AKT2: variants seen among roughly 807,000 people sequenced by gnomAD.
AKT2 encodes AKT serine/threonine kinase 2, also known as RAC-beta serine/threonine-protein kinase.
In AKT2, 16 loss-of-function variants were observed where a neutral mutation model predicts 58.6. The observed-to-expected ratio is 0.27, with a 90% CI of 0.18 to 0.41. The LOEUF is 0.41. Ranked by LOEUF, AKT2 falls within the 10% of genes least tolerant of loss-of-function variation. The pLI, the probability that AKT2 is intolerant of heterozygous loss-of-function variation, is 1.00. For missense variants in AKT2, 438 were observed against 661.0 expected (o/e 0.66, Z 3.70); for synonymous variants, 253 against 254.0 (o/e 1.00, Z 0.04).
At chr19:40,272,501 G>A (rs1414077407) in intron 1 of AKT2, among the ~76,000 whole-genome samples, 3 of 152,172 alleles carry the variant, frequency 2.0e-5, no homozygotes, top group East Asian at 1.9e-4. Flanking sequence ...CTCGCGGCAC[G>A]ACAGAATGCA....
At chr19:40,263,367 G>A (rs1039745016) in intron 2 of AKT2, among the ~76,000 whole-genome samples, 1 of 152,182 alleles carries the variant, frequency 6.6e-6, no homozygotes, top group Non-Finnish European at 1.5e-5. Flanking sequence ...ACTTTTAGAC[G>A]TGCTGGGGAT....
At position 40,242,647 on chromosome 19, in the gene AKT2, G is replaced by T; in HGVS notation, c.328C>A (p.Leu110Ile). The change falls in exon 5 of 14, where the codon CTC becomes ATC. Residue 110 changes from leucine to isoleucine, a missense_variant. This residue lies in a region of AKT2 where 244 missense variants were observed against 347.1 expected (regional missense o/e 0.70). Transcript: ENST00000392038. The surrounding 1 kb of genome is among the most constrained non-coding windows in gnomAD (Gnocchi z 4.3). ...MRAIQMVANS[L>I]KQRAPGEDPM... ...TCCTCGCCTGGGGCCCGCTGCTTGA[G>T]GCTGTTGGCGACCATCTGGATGGCC... The T allele has an allele frequency of 1.9e-6, 3 of 1,612,992 alleles. No individual in the cohort carries two copies. The highest frequency in any genetic ancestry group is 1.7e-6 in the Non-Finnish European group (2 of 1,180,016).
chr19:40,283,024 C>T (rs2077451839), intron 1 of AKT2: 1 of 157,202 alleles, frequency 6.4e-6, no homozygotes, highest in African/African-American at 2.4e-5. Flanking sequence ...TAGCTCGTAG[C>T]TCTCCATAAA....
chr19:40,238,022 C>T lies in AKT2; in HGVS notation c.778G>A (p.Val260Ile). 1 of 1,612,738 alleles carries T rather than the reference C, an allele frequency of 6.2e-7. No homozygotes were observed. Residue 260 changes from valine to isoleucine, a missense_variant, in exon 9 of 14, where the codon GTC (valine) becomes ATC (isoleucine). Around this residue, in one of 3 missense-constraint regions of AKT2, gnomAD observed 46 missense variants for 114.5 expected, o/e 0.40. Transcript: ENST00000392038. This position sits in a 1 kb window ranked among gnomAD's most constrained non-coding sequence, Gnocchi z 5.1. Reference sequence around the variant, plus strand: ...GAGTGCAAGTACTCAAGAGCCGAGACAATCTCTGCACCATAAAACCGGGCC... The same window carrying T: ...GAGTGCAAGTACTCAAGAGCCGAGATAATCTCTGCACCATAAAACCGGGCC... ...ERARFYGAEI[V>I]SALEYLHSRD... is the part of the protein sequence containing the mutation.
intron 1 of AKT2, among the ~76,000 whole-genome samples, chr19:40,276,754 G>A (rs1048424885): frequency 1.2e-4 from 18 of 152,118 alleles, no homozygotes; most frequent in Admixed American, 3.3e-4. Context: ...AGTGATTCAC[G>A]CCTGTAATCC....
chr19:40,235,114 C>T lies in AKT2; in HGVS notation c.1297G>A (p.Glu433Lys), dbSNP rs1973933687. ...LPPFKPQVTS[E>K]VDTRYFDDEF... ...TCATCGAAGTACCTTGTGTCGACCT[C>T]GGACGTGACCTGAGGTTTGAAGGGT... The change falls in exon 13 of 14, where the codon GAG becomes AAG. Residue 433 changes from glutamate (E) to lysine (K), a missense_variant. Around this residue, in one of 3 missense-constraint regions of AKT2, gnomAD observed 148 missense variants for 199.5 expected, o/e 0.74. Transcript: ENST00000392038. This position sits in a 1 kb window ranked among gnomAD's most constrained non-coding sequence, Gnocchi z 6.3. 3.1e-6 allele frequency: 5 copies of T among 1,614,060 alleles called. No homozygotes were observed. The highest frequency in any genetic ancestry group is 4.2e-6 in the Non-Finnish European group (5 of 1,179,982).
intron 4 of AKT2, among the ~76,000 whole-genome samples, chr19:40,248,374 G>C (rs1359660428): frequency 6.6e-6 from 1 of 152,236 alleles, no homozygotes; most frequent in African/African-American, 2.4e-5. Context: ...GGATGCAGCA[G>C]GGGACAAGCC....
Position 40,231,935 on chromosome 19 carries a change from C to G in AKT2, c.*1937G>C, listed in dbSNP as rs964519923. 7.3e-5 allele frequency: 17 copies of G among 233,296 alleles called. No individual in the cohort carries two copies. The highest frequency in any genetic ancestry group is 1.3e-4 in the Non-Finnish European group (15 of 118,172). 14.5% of individuals were successfully genotyped at this position (233,296 alleles called of 1,614,324 possible). A position where few individuals can be genotyped will look rare whatever the true frequency, so the allele number is the denominator to read the frequency against. ...AGGTGGGGCAGGATAGGAATGCCCC[C>G]CTCTGAGGCTCGGCAGCCGGGTGGA... On this transcript the variant is annotated 3_prime_UTR_variant, in exon 14 of 14. Transcript: ENST00000392038.
chr19:40,235,809 T>G lies in AKT2; in HGVS notation c.1175+81A>C. 1 of 1,416,526 alleles carries G rather than the reference T, an allele frequency of 7.1e-7. No individual in the cohort carries two copies. The highest frequency in any genetic ancestry group is 1.3e-5 in the South Asian group (1 of 77,010). The allele number at this position is 1,416,526 out of a possible 1,614,324, so 87.7% of individuals were successfully genotyped here. A position where few individuals can be genotyped will look rare whatever the true frequency, so the allele number is the denominator to read the frequency against. On this transcript the variant is annotated intron_variant, in intron 11 of 13. Coordinates refer to ENST00000392038, the MANE Select transcript of AKT2 (RefSeq NM_001626.6). This position sits in a 1 kb window ranked among gnomAD's most constrained non-coding sequence, Gnocchi z 6.3. Reference sequence around the variant, plus strand: ...CTGCGACCCTACAAGCGAGCACCCTTGTGGACGCTGCCCCCTCCAGGCCGC... The same window carrying G: ...CTGCGACCCTACAAGCGAGCACCCTGGTGGACGCTGCCCCCTCCAGGCCGC...
At chr19:40,257,621 G>A (rs1428257168) in intron 2 of AKT2, among the ~76,000 whole-genome samples, 19 of 95,368 alleles carry the variant, frequency 2.0e-4, no homozygotes, top group South Asian at 6.7e-4. Context: ...ACACACACAC[G>A]AACCCACTCA....
At chr19:40,247,150 G>A (rs930817370) in intron 4 of AKT2, among the ~76,000 whole-genome samples, 1 of 152,212 alleles carries the variant, frequency 6.6e-6, no homozygotes, top group Non-Finnish European at 1.5e-5. Flanking sequence ...AATTCCAGAT[G>A]AAAAGCAAGG....
At chr19:40,256,578 G>A (rs957073514) in intron 3 of AKT2, among the ~76,000 whole-genome samples, 1 of 152,162 alleles carries the variant, frequency 6.6e-6, no homozygotes, top group Non-Finnish European at 1.5e-5. Context: ...ACGTCCGAGG[G>A]ACAGAGGATG....
chr19:40,255,175 C>G lies in AKT2; in HGVS notation c.270G>C (p.Val90=), dbSNP rs1975449780. The G allele has an allele frequency of 1.9e-6, 3 of 1,614,014 alleles. No individual in the cohort carries two copies. Among genetic ancestry groups the G allele is most frequent in the Non-Finnish European group, 1.7e-6 (2 of 1,179,892 alleles). ...WTTVIERTFH[V]DSPDEREEWM... ...AGACTGACCTCTCGTCTGGAGAATC[C>G]ACGTGGAAGGTCCTCTCGATGACTG... Residue 90 remains valine, a synonymous_variant, in exon 4 of 14, where the codon GTG becomes GTC. Coordinates refer to ENST00000392038, the MANE Select transcript of AKT2 (RefSeq NM_001626.6).
intron 6 of AKT2, among the ~76,000 whole-genome samples, chr19:40,240,553 T>C (rs1974336032): frequency 1.3e-5 from 2 of 152,192 alleles, no homozygotes; most frequent in Admixed American, 6.5e-5. Flanking sequence ...TGCAAATTCC[T>C]GGGACCTACC....
chr19:40,261,118 C>T (rs142423410), intron 2 of AKT2, among the ~76,000 whole-genome samples: 1 of 152,340 alleles, frequency 6.6e-6, no homozygotes, highest in African/African-American at 2.4e-5. Flanking sequence ...TGAATTGTCC[C>T]CCAAAGTTCA....
At chr19:40,258,577 A>T (rs1975719598) in intron 2 of AKT2, among the ~76,000 whole-genome samples, 1 of 151,962 alleles carries the variant, frequency 6.6e-6, no homozygotes, top group Non-Finnish European at 1.5e-5. Context: ...GAAATGGCAG[A>T]ATCACCTGAG....
chr19:40,265,076 G>T, intron 2 of AKT2, 146 bp downstream of exon 2: 1 of 1,207,690 alleles, frequency 8.3e-7, no homozygotes, highest in South Asian at 1.3e-5. Context: ...TCCACGAAAT[G>T]GGGGCATAAG....
In AKT2 at chr19:40,238,111, G is replaced by A. The variant is rs751699138; in HGVS notation, c.709-20C>T. On this transcript the variant is annotated intron_variant, in intron 8 of 13. Coordinates refer to ENST00000392038, the MANE Select transcript of AKT2 (RefSeq NM_001626.6). This position sits in a 1 kb window ranked among gnomAD's most constrained non-coding sequence, Gnocchi z 5.1. ...GAACAGCTGCAGGAGGAAGGGGTGG[G>A]GAGAGGAGGTCAGGCCCCAGCCCAC... The A allele has an allele frequency of 5.1e-6, 8 of 1,582,668 alleles. No individual in the cohort carries two copies. In the South Asian group the frequency reaches 6.9e-5, roughly 14 times the overall value.
chr19:40,245,026 C>T (rs919427080), intron 4 of AKT2, among the ~76,000 whole-genome samples: 3 of 152,236 alleles, frequency 2.0e-5, no homozygotes, highest in Admixed American at 2.0e-4. Context: ...CTTGATTTAA[C>T]TGGGCACGCC....
Sources: gnomAD v4.1 joint callset for allele counts (sites outside exome capture counted in the v4.1 genomes callset) on GRCh38, gnomAD v4.1.1 for gene constraint, gnomAD v4.1.1 regional missense constraint, Gnocchi (gnomAD v3.1) non-coding constraint, MANE v1.5 for transcripts, NCBI Gene and HGNC (gene_info 2026-07-23, HGNC 2026-07-21) for gene names.